The following SNAP91 variants were observed in gnomAD, a reference collection of about 807,000 sequenced individuals.
SNAP91 encodes synaptosome associated protein 91.
SNAP91 carries 27 observed loss-of-function variants against 100.3 expected under a neutral mutation model. The observed-to-expected ratio is 0.27, with a 90% confidence interval of 0.20 to 0.37. The LOEUF (loss-of-function observed/expected upper bound fraction) is 0.37, where lower values mean the gene tolerates loss of function less well. Among genes scored for constraint, SNAP91 ranks in the 10% least tolerant of loss-of-function variants. The probability of loss-of-function intolerance (pLI) is 1.00; values close to 1 mark genes in which losing one functional copy is unlikely to be tolerated. For missense variants in SNAP91, 986 were observed against 1,123.7 expected (o/e 0.88, Z 1.75); for synonymous variants, 404 against 398.6 (o/e 1.01, Z -0.16).
At chr6:83,570,203 G>A (rs9350984) in intron 26 of SNAP91, among the ~76,000 whole-genome samples, 3 of 151,794 alleles carry the variant, frequency 2.0e-5, no homozygotes, top group Non-Finnish European at 2.9e-5. Flanking sequence ...GTAGCATTTT[G>A]CCCCTGCCCC....
chr6:83,561,109 C>T (rs1198524503), intron 26 of SNAP91, among the ~76,000 whole-genome samples, 162 bp from the exon 27 acceptor site: 1 of 152,182 alleles, frequency 6.6e-6, no homozygotes, highest in African/African-American at 2.4e-5. Flanking sequence ...ATGGCATGAT[C>T]ACAGCTCACT....
intron 2 of SNAP91, among the ~76,000 whole-genome samples, chr6:83,676,012 G>A (rs1452757536): frequency 6.6e-6 from 1 of 151,746 alleles, no homozygotes; most frequent in African/African-American, 2.4e-5. Flanking sequence ...CTGGGAGGCT[G>A]AGGTGGGAAG....
At chr6:83,617,460 C>T (rs1202221011) in intron 9 of SNAP91, among the ~76,000 whole-genome samples, 3 of 151,834 alleles carry the variant, frequency 2.0e-5, no homozygotes, top group East Asian at 3.8e-4. Context: ...TAAAATCTCA[C>T]TTATCTATGT....
intron 11 of SNAP91, among the ~76,000 whole-genome samples, chr6:83,614,525 G>A (rs551143097): frequency 4.6e-5 from 7 of 151,878 alleles, no homozygotes; most frequent in Admixed American, 6.6e-5. Flanking sequence ...TTGTCTTTTC[G>A]CATTTATGCT....
At chr6:83,676,191 T>C (rs965393044) in intron 2 of SNAP91, among the ~76,000 whole-genome samples, 1 of 152,140 alleles carries the variant, frequency 6.6e-6, no homozygotes, top group Non-Finnish European at 1.5e-5. Flanking sequence ...GTGCCTGCTA[T>C]GTGCCAGGCA....
chr6:83,553,593 A>AT lies in SNAP91; in HGVS notation c.*702dup, dbSNP rs1273379541. 1.3e-5 allele frequency: 2 copies of AT among 152,028 alleles called. No homozygotes were observed. The highest frequency in any genetic ancestry group is 4.8e-5 in the African/African-American group (2 of 41,402). 9.4% of individuals were successfully genotyped at this position (152,028 alleles called of 1,614,324 possible). A position where few individuals can be genotyped will look rare whatever the true frequency, so the allele number is the denominator to read the frequency against. ...AACCTGTCAAATATAATTAAAATAT[A>AT]TATATTTTAATATAGCAGTGATAAA... is the stretch of plus-strand genomic sequence containing the variant. On this transcript the variant is annotated 3_prime_UTR_variant, in exon 30 of 30. Coordinates refer to ENST00000369694, the MANE Select transcript of SNAP91 (RefSeq NM_001242792.2).
chr6:83,557,353 G>T (rs1343919241), intron 28 of SNAP91, among the ~76,000 whole-genome samples: 1 of 151,948 alleles, frequency 6.6e-6, no homozygotes, highest in Non-Finnish European at 1.5e-5. Flanking sequence ...TTATCTATCT[G>T]TCAAATTTCC....
intron 7 of SNAP91, among the ~76,000 whole-genome samples, chr6:83,643,960 A>G (rs887574227): frequency 6.6e-6 from 1 of 152,230 alleles, no homozygotes; most frequent in Non-Finnish European, 1.5e-5. Flanking sequence ...TCACGGTGCT[A>G]TAAGACGAAA....
At chr6:83,557,504 C>CA (rs1182498151) in intron 28 of SNAP91, among the ~76,000 whole-genome samples, 2 of 150,544 alleles carry the variant, frequency 1.3e-5, no homozygotes, top group African/African-American at 4.9e-5. Flanking sequence ...CTCATCTCTA[C>CA]AAAAAATAAT....
Position 83,578,707 on chromosome 6 carries a change from T to C in SNAP91, c.2299+1743A>G, listed in dbSNP as rs534405789. Among the ~76,000 whole-genome samples, 154 of 152,322 alleles carry C rather than the reference T, an allele frequency of 1.0e-3. 2 individuals are homozygous for C. The South Asian group carries it at 0.019, about 19-fold the overall frequency. ...TCCTTTCACTTTCTTAATGGTATTG[T>C]CTACTGCACAAAAGTATTACATTTT... On this transcript the variant is annotated intron_variant, in intron 24 of 29. Coordinates refer to ENST00000369694, the MANE Select transcript of SNAP91 (RefSeq NM_001242792.2).
intron 10 of SNAP91, among the ~76,000 whole-genome samples, chr6:83,615,114 T>C (rs1024184924): frequency 2.0e-5 from 3 of 152,326 alleles, no homozygotes; most frequent in African/African-American, 4.8e-5. Flanking sequence ...TAAATGTCCA[T>C]AGCTATTTTT....
chr6:83,582,638 G>T (rs1449284053), intron 22 of SNAP91, among the ~76,000 whole-genome samples: 3 of 152,140 alleles, frequency 2.0e-5, no homozygotes, highest in Admixed American at 6.5e-5. Context: ...TTACAATGGA[G>T]TATATAAACA....
chr6:83,580,436 ACT>A lies in SNAP91; in HGVS notation c.2299+12_2299+13del. The A allele has an allele frequency of 6.4e-7, 1 of 1,569,184 alleles. No individual in the cohort carries two copies. Among genetic ancestry groups the A allele is most frequent in the African/African-American group, 1.4e-5 (1 of 71,584 alleles). On this transcript the variant is annotated intron_variant, in intron 24 of 29. Coordinates refer to ENST00000369694, the MANE Select transcript of SNAP91 (RefSeq NM_001242792.2). ...CTTCAGTTAAAGAAAAAAAAAAAAA[ACT>A]AGATTACTCACTGCCTACTAAGCTG...
intron 24 of SNAP91, among the ~76,000 whole-genome samples, chr6:83,576,520 C>G (rs949960494): frequency 6.6e-5 from 10 of 152,248 alleles, no homozygotes; most frequent in African/African-American, 9.6e-5. Flanking sequence ...TACATGATCA[C>G]TGCCCAATAA....
intron 5 of SNAP91, among the ~76,000 whole-genome samples, chr6:83,661,231 A>G (rs1050433374): frequency 6.6e-6 from 1 of 152,238 alleles, no homozygotes; most frequent in Non-Finnish European, 1.5e-5. Flanking sequence ...AAAATGTTAT[A>G]TAATTTGTCC....
chr6:83,671,615 T>C (rs556321874), intron 2 of SNAP91, among the ~76,000 whole-genome samples: 3 of 152,190 alleles, frequency 2.0e-5, no homozygotes, highest in African/African-American at 7.2e-5. Context: ...TTGAAGCAAT[T>C]GAAAATTAAT....
At chr6:83,703,988 G>A (rs922587316) in intron 2 of SNAP91, among the ~76,000 whole-genome samples, 1 of 152,188 alleles carries the variant, frequency 6.6e-6, no homozygotes, top group African/African-American at 2.4e-5. Context: ...TACACCTGCA[G>A]ATGTTACTTT....
chr6:83,658,956 C>T, intron 6 of SNAP91, 43 bp downstream of exon 6: 1 of 1,424,032 alleles, frequency 7.0e-7, no homozygotes, highest in Non-Finnish European at 9.7e-7. Context: ...AAATGAAAGA[C>T]AACATTGATT....
At chr6:83,691,013 A>C (rs1371598889) in intron 2 of SNAP91, among the ~76,000 whole-genome samples, 1 of 152,082 alleles carries the variant, frequency 6.6e-6, no homozygotes, top group Non-Finnish European at 1.5e-5. Context: ...CTCTAAGTCA[A>C]GGTAGACATT....
Sources: gnomAD v4.1 joint callset for allele counts (sites outside exome capture counted in the v4.1 genomes callset) on GRCh38, gnomAD v4.1.1 for gene constraint, MANE v1.5 for transcripts, NCBI Gene and HGNC (gene_info 2026-07-23, HGNC 2026-07-21) for gene names.